Variants in THSD7A observed in about 807,000 individuals in gnomAD.
The protein encoded by THSD7A is thrombospondin type 1 domain containing 7A.
THSD7A carries 96 observed loss-of-function variants against 231.3 expected under a neutral mutation model. The ratio of observed to expected loss-of-function variants is 0.41; its 90% CI spans 0.35 to 0.49. The LOEUF (loss-of-function observed/expected upper bound fraction) is 0.49. Among genes scored for constraint, THSD7A ranks in the 20% least tolerant of loss-of-function variants. The probability of loss-of-function intolerance (pLI) is 0.05; values close to 1 mark genes in which losing one functional copy is unlikely to be tolerated. For synonymous variants in THSD7A, 940 were observed against 743.3 expected, an observed-to-expected ratio of 1.26 and a Z score of -4.30; for missense variants, 2,290 against 2,070.2, an observed-to-expected ratio of 1.11 and a Z score of -2.06.
chr7:11,383,426 A>G (rs1583642289), intron 23 of THSD7A, among the ~76,000 whole-genome samples: 2 of 152,074 alleles, frequency 1.3e-5, no homozygotes, highest in South Asian at 4.1e-4. Flanking sequence ...ACTGTGTGCA[A>G]ATGGCCTGGT....
At chr7:11,798,754 T>A (rs1784196985) in intron 1 of THSD7A, among the ~76,000 whole-genome samples, 1 of 152,120 alleles carries the variant, frequency 6.6e-6, no homozygotes, top group Non-Finnish European at 1.5e-5. Context: ...TTTTTGCAAA[T>A]CAAAAATGAC....
chr7:11,497,857 G>A (rs1419886866), intron 6 of THSD7A, among the ~76,000 whole-genome samples: 1 of 152,130 alleles, frequency 6.6e-6, no homozygotes, highest in East Asian at 1.9e-4. Context: ...GGAGCAACAT[G>A]GAGCCAGGGG....
rs1280830164 is a variant in THSD7A at position 11,760,217 on chromosome 7, G to T, written c.190+71540C>A. On this transcript the variant is annotated intron_variant, in intron 1 of 27. Transcript: ENST00000423059. ...AAACTGGAAGATTCAAAAATTAATG[G>T]AATGATATTTGGGAGATTTAGATGG... Among the ~76,000 whole-genome samples the T allele has an allele frequency of 5.3e-5, 8 of 152,124 alleles. No homozygotes were observed. The East Asian group carries it at 1.4e-3, about 26-fold the overall frequency.
chr7:11,428,376 T>C (rs1784384115), intron 14 of THSD7A, among the ~76,000 whole-genome samples: 1 of 152,172 alleles, frequency 6.6e-6, no homozygotes, highest in Admixed American at 6.6e-5. Context: ...TAAGAAAGAA[T>C]GCATCAAAAG....
At chr7:11,561,271 A>G (rs1156320681) in intron 4 of THSD7A, among the ~76,000 whole-genome samples, 1 of 152,162 alleles carries the variant, frequency 6.6e-6, no homozygotes, top group Non-Finnish European at 1.5e-5. Flanking sequence ...ACATTTAATG[A>G]GGGTTGTTAA....
In THSD7A at chr7:11,517,010, G is replaced by A. The variant is rs553401851; in HGVS notation, c.1822+24409C>T. Among the ~76,000 whole-genome samples, 6 of 150,996 alleles carry A rather than the reference G, an allele frequency of 4.0e-5. No individual in the cohort carries two copies. The South Asian group carries it at 6.3e-4, about 16-fold the overall frequency. ...ATCAAAATAATTGTATATGTAATAC[G>A]CATTGCCATCTGTCACATTCATAGG... is the stretch of plus-strand genomic sequence containing the variant. On this transcript the variant is annotated intron_variant, in intron 6 of 27. Coordinates refer to ENST00000423059, the MANE Select transcript of THSD7A (RefSeq NM_015204.3).
chr7:11,485,061 T>C (rs1235876880), intron 6 of THSD7A, among the ~76,000 whole-genome samples: 1 of 151,528 alleles, frequency 6.6e-6, no homozygotes, highest in Non-Finnish European at 1.5e-5. Context: ...CGGCTCATTT[T>C]TGTATTTTTA....
chr7:11,448,327 C>T (rs907349161), intron 11 of THSD7A, among the ~76,000 whole-genome samples: 1 of 152,092 alleles, frequency 6.6e-6, no homozygotes, highest in African/African-American at 2.4e-5. Context: ...ATGTTTAAAG[C>T]CCACTTTCTC....
At chr7:11,709,353 G>A (rs1411089225) in intron 1 of THSD7A, among the ~76,000 whole-genome samples, 1 of 150,708 alleles carries the variant, frequency 6.6e-6, no homozygotes, top group East Asian at 2.0e-4. Context: ...AGATCAGCCT[G>A]AGATAATAAA....
At chr7:11,683,704 T>A (rs1443938620) in intron 1 of THSD7A, among the ~76,000 whole-genome samples, 1 of 151,742 alleles carries the variant, frequency 6.6e-6, no homozygotes, top group African/African-American at 2.4e-5. Context: ...AGGCCAATAA[T>A]GAGTTACGAA....
intron 1 of THSD7A, among the ~76,000 whole-genome samples, chr7:11,717,479 G>A (rs1194249700): frequency 1.3e-5 from 2 of 151,546 alleles, no homozygotes; most frequent in African/African-American, 2.4e-5. Context: ...GCTTTCCATG[G>A]GGAAAGGAGT....
chr7:11,572,877 CCT>C (rs1790707199), intron 4 of THSD7A, among the ~76,000 whole-genome samples: 1 of 152,052 alleles, frequency 6.6e-6, no homozygotes, highest in Non-Finnish European at 1.5e-5. Context: ...TTTTTCTTCT[CCT>C]TTTTTCATGT....
At chr7:11,745,884 C>T (rs899455346) in intron 1 of THSD7A, among the ~76,000 whole-genome samples, 9 of 152,184 alleles carry the variant, frequency 5.9e-5, no homozygotes, top group African/African-American at 1.7e-4. Context: ...AGCATGATGC[C>T]TCCAGCTTTG....
chr7:11,806,500 A>G (rs1001534374), intron 1 of THSD7A, among the ~76,000 whole-genome samples: 110 of 152,240 alleles, frequency 7.2e-4, no homozygotes, highest in African/African-American at 2.6e-3. Context: ...TGGGGATACA[A>G]TATATATTTT....
intron 22 of THSD7A, among the ~76,000 whole-genome samples, chr7:11,404,837 A>G (rs1377381234): frequency 6.6e-6 from 1 of 152,176 alleles, no homozygotes; most frequent in African/African-American, 2.4e-5. Context: ...TTTTAGGTAT[A>G]CAATACAGTA....
At chr7:11,460,615 T>G (rs984449192) in intron 11 of THSD7A, 47 bp downstream of exon 11, 8 of 1,494,296 alleles carry the variant, frequency 5.4e-6, no homozygotes, top group Non-Finnish European at 7.3e-6. Context: ...AAACAGTAGT[T>G]AAACTAGCGA....
chr7:11,769,121 CAATATATA>C (rs1377416742), intron 1 of THSD7A, among the ~76,000 whole-genome samples: 681 of 55,956 alleles, frequency 0.012, 65 homozygotes, highest in African/African-American at 0.032. Context: ...TAATTCCTGG[CAATATATA>C]TATATATATA....
At chr7:11,741,432 G>A (rs1782109434) in intron 1 of THSD7A, among the ~76,000 whole-genome samples, 1 of 151,768 alleles carries the variant, frequency 6.6e-6, no homozygotes, top group Non-Finnish European at 1.5e-5. Context: ...CAAGTATTAA[G>A]ACATAATTTA....
chr7:11,479,388 A>G (rs1323177955), intron 7 of THSD7A, among the ~76,000 whole-genome samples: 3 of 152,240 alleles, frequency 2.0e-5, no homozygotes, highest in Non-Finnish European at 2.9e-5. Context: ...AAATCATATA[A>G]TTTCTTGTTT....
Sources: allele counts gnomAD v4.1 joint callset (sites outside exome capture counted in the v4.1 genomes callset), GRCh38; gene constraint gnomAD v4.1.1; transcripts MANE v1.5; gene names NCBI Gene and HGNC (gene_info 2026-07-23, HGNC 2026-07-21).